PSMC4: variants seen among roughly 807,000 people sequenced by gnomAD.
PSMC4 encodes the protein 26S proteasome regulatory subunit 6B.
Under a neutral mutation model 48.4 loss-of-function variants are expected in PSMC4, and 13 were observed. The ratio of observed to expected loss-of-function variants is 0.27; its 90% CI spans 0.18 to 0.43. The LOEUF is 0.43. Among genes scored for constraint, PSMC4 ranks in the 20% least tolerant of loss-of-function variants. PSMC4 has a pLI of 1.00. For synonymous variants in PSMC4, 202 were observed against 212.3 expected (o/e 0.95, Z 0.42); for missense variants, 262 against 555.9 (o/e 0.47, Z 5.32).
At chr19:39,976,247 ATATATAT>A (rs1568375678) in intron 6 of PSMC4, among the ~76,000 whole-genome samples, 2 of 107,608 alleles carry the variant, frequency 1.9e-5, no homozygotes, top group Non-Finnish European at 3.7e-5. Context: ...CAAAAAAAAT[ATATATAT>A]ATATATATAT....
At chr19:39,972,983 C>T (rs1971129379) in intron 3 of PSMC4, among the ~76,000 whole-genome samples, 1 of 152,038 alleles carries the variant, frequency 6.6e-6, no homozygotes, top group Non-Finnish European at 1.5e-5. Flanking sequence ...TGACCTCAGG[C>T]GATCCACCCG....
chr19:39,981,290 T>C lies in PSMC4; in HGVS notation c.1242T>C (p.His414=), dbSNP rs1971283074. 6.2e-7 allele frequency: 1 copy of C among 1,613,770 alleles called. No individual in the cohort carries two copies. Among genetic ancestry groups the C allele is most frequent in the Non-Finnish European group, 8.5e-7 (1 of 1,179,694 alleles). ...KTVIKKDEQE[H]EFYK ...TCATCAAGAAGGACGAGCAGGAGCA[T>C]GAGTTTTACAAGTGACCCTTCCCTT... is the stretch of plus-strand genomic sequence containing the variant. The change falls in exon 11 of 11, where the codon CAT becomes CAC. Residue 414 remains histidine, a synonymous_variant. Transcript: ENST00000157812.
chr19:39,973,255 C>T (rs1971134337), intron 3 of PSMC4, among the ~76,000 whole-genome samples: 1 of 152,058 alleles, frequency 6.6e-6, no homozygotes, highest in Admixed American at 6.6e-5. Context: ...GGTTTGGGGC[C>T]TGCAGTTTGA....
At chr19:39,977,731 A>C (rs28661993) in intron 6 of PSMC4, among the ~76,000 whole-genome samples, 13,604 of 152,000 alleles carry the variant, frequency 0.089, 2,001 homozygotes, top group African/African-American at 0.31. Context: ...CTGAGGCAGG[A>C]GAATTGCTTG....
intron 6 of PSMC4, among the ~76,000 whole-genome samples, chr19:39,978,810 A>G (rs1307538576): frequency 1.3e-5 from 2 of 152,132 alleles, no homozygotes; most frequent in Non-Finnish European, 2.9e-5. Context: ...TGAGGCCAGG[A>G]GTTTGAGACC....
chr19:39,981,086 G>C, intron 10 of PSMC4, 106 bp from the exon 11 acceptor site: 1 of 832,338 alleles, frequency 1.2e-6, no homozygotes, highest in Non-Finnish European at 2.0e-6. Context: ...CGAACTCTTG[G>C]GCTCAAGTGA....
At position 39,972,539 on chromosome 19, in the gene PSMC4, C is replaced by T. The variant is rs1318367995; in HGVS notation, c.306C>T (p.Ile102=). 9 of 1,612,988 alleles carry T rather than the reference C, an allele frequency of 5.6e-6. No homozygotes were observed. The East Asian group carries it at 8.9e-5, about 16-fold the overall frequency. ...FLEAVDQNTA[I]VGSTTGSNYY... is the part of the protein sequence containing the mutation. The stretch of plus-strand genomic sequence containing the variant: ...AGGCTGTGGATCAGAATACAGCCAT[C>T]GTGGGCTCTACCACAGGTGTGCTAA... Residue 102 remains isoleucine (I), a synonymous_variant, in exon 3 of 11, where the codon ATC becomes ATT. Transcript: ENST00000157812.
At position 39,980,164 on chromosome 19, in the gene PSMC4, G is replaced by A; in HGVS notation, c.918+18G>A. ...ATGTCAAGGTTTGGGGTTTGGGATG[G>A]ACAAGGGGAGGTGTGGTGTAGGAAC... On this transcript the variant is annotated intron_variant, in intron 8 of 10. Coordinates refer to ENST00000157812, the MANE Select transcript of PSMC4 (RefSeq NM_006503.4). The surrounding 1 kb of genome is among the most constrained non-coding windows in gnomAD (Gnocchi z 4.8). The A allele has an allele frequency of 6.2e-7, 1 of 1,614,086 alleles. No homozygotes were observed. The highest frequency in any genetic ancestry group is 1.7e-5 in the Admixed American group (1 of 60,008).
Position 39,974,477 on chromosome 19 carries a change from G to T in PSMC4, c.469+37G>T. ...GCCTGCAGCTGGGAGGGCCCCATGGGGACCTTGAGGACCTGGCCAGGAGCC... is the reference window on the plus strand; with the variant it reads ...GCCTGCAGCTGGGAGGGCCCCATGGTGACCTTGAGGACCTGGCCAGGAGCC... On this transcript the variant is annotated intron_variant, in intron 4 of 10. Transcript: ENST00000157812. The surrounding 1 kb of genome is among the most constrained non-coding windows in gnomAD (Gnocchi z 5.5). The T allele has an allele frequency of 6.2e-7, 1 of 1,613,276 alleles. No individual in the cohort carries two copies. Among genetic ancestry groups the T allele is most frequent in the East Asian group, 2.2e-5 (1 of 44,848 alleles).
In PSMC4 at chr19:39,971,169, C is replaced by A; in HGVS notation, c.-34C>A. ...GTCGTCAGCGGAAGCGGTGACAGAT[C>A]ATCCCAGGCCACACAGAGGCCGGCT... On this transcript the variant is annotated 5_prime_UTR_variant, in exon 1 of 11. Coordinates refer to ENST00000157812, the MANE Select transcript of PSMC4 (RefSeq NM_006503.4). The A allele has an allele frequency of 6.2e-7, 1 of 1,613,120 alleles. No individual in the cohort carries two copies. Among genetic ancestry groups the A allele is most frequent in the Non-Finnish European group, 8.5e-7 (1 of 1,179,410 alleles).
At chr19:39,976,064 G>A (rs1295884897) in intron 6 of PSMC4, among the ~76,000 whole-genome samples, 2 of 151,744 alleles carry the variant, frequency 1.3e-5, no homozygotes, top group African/African-American at 2.4e-5. Context: ...GTGAAACCCC[G>A]TCTCTATTAA....
rs574976363 is a variant in PSMC4 at position 39,974,220 on chromosome 19, G to T, written c.323-74G>T. ...TGAACCAGAGATGTTGGGGTGTGGA[G>T]ATTAGGAGGGAGGAAGGGGGAAGGG... is the stretch of plus-strand genomic sequence containing the variant. On this transcript the variant is annotated intron_variant, in intron 3 of 10. Coordinates refer to ENST00000157812, the MANE Select transcript of PSMC4 (RefSeq NM_006503.4). The surrounding 1 kb of genome is among the most constrained non-coding windows in gnomAD (Gnocchi z 5.5). The T allele has an allele frequency of 7.4e-5, 116 of 1,567,882 alleles. No homozygotes were observed. The South Asian group carries it at 1.2e-3, about 17-fold the overall frequency.
At chr19:39,972,017 A>T in intron 1 of PSMC4, 129 bp from the exon 2 acceptor site, 1 of 830,048 alleles carries the variant, frequency 1.2e-6, no homozygotes. Context: ...GGGTCTTAAG[A>T]TATCAGGGGT....
rs746496477 is a variant in PSMC4, at chr19:39,974,269, C to G, written c.323-25C>G. 1.9e-6 allele frequency: 3 copies of G among 1,612,114 alleles called. No individual in the cohort carries two copies. Among genetic ancestry groups the G allele is most frequent in the Non-Finnish European group, 1.7e-6 (2 of 1,178,706 alleles). ...GGGCAGTTTCCAGGCTGACACTTCTCGTTTTCCTCTCTCCCTTCTCGCAGG... is the reference window on the plus strand; with the variant it reads ...GGGCAGTTTCCAGGCTGACACTTCTGGTTTTCCTCTCTCCCTTCTCGCAGG... On this transcript the variant is annotated intron_variant, in intron 3 of 10. Transcript: ENST00000157812. This position sits in a 1 kb window ranked among gnomAD's most constrained non-coding sequence, Gnocchi z 5.5.
intron 10 of PSMC4, 145 bp from the exon 11 acceptor site, chr19:39,981,046 AG>A (rs1205189515): frequency 7.8e-6 from 5 of 641,036 alleles, no homozygotes; most frequent in African/African-American, 3.6e-5. Context: ...TTGTAGAGAC[AG>A]GGTTTCACCA....
In PSMC4 at chr19:39,981,342, G is replaced by C; in HGVS notation, c.*37G>C. The stretch of plus-strand genomic sequence containing the variant: ...CCTCCACCACACCACTCAGGGGCTG[G>C]GGCTTCTCTCGCACCCCCAGCACCT... On this transcript the variant is annotated 3_prime_UTR_variant, in exon 11 of 11. Coordinates refer to ENST00000157812, the MANE Select transcript of PSMC4 (RefSeq NM_006503.4). 6.6e-7 allele frequency: 1 copy of C among 1,510,900 alleles called. No individual in the cohort carries two copies. Among genetic ancestry groups the C allele is most frequent in the Non-Finnish European group, 9.2e-7 (1 of 1,086,668 alleles). 93.6% of individuals were successfully genotyped at this position (1,510,900 alleles called of 1,614,324 possible). A position where few individuals can be genotyped will look rare whatever the true frequency, so the allele number is the denominator to read the frequency against.
intron 6 of PSMC4, among the ~76,000 whole-genome samples, chr19:39,976,619 C>T (rs1971203443): frequency 6.7e-6 from 1 of 150,054 alleles, no homozygotes. Context: ...CACCATTCTC[C>T]TGCCTCAGCC....
chr19:39,972,465 G>A lies in PSMC4; in HGVS notation c.232G>A (p.Glu78Lys). 6.2e-7 allele frequency: 1 copy of A among 1,614,186 alleles called. No individual in the cohort carries two copies. ...AAAGGAATTTCTCCATGCCCAGGAGGAGGTGAAGCGAATCCAAAGCATCCC... is the reference window on the plus strand; with the variant it reads ...AAAGGAATTTCTCCATGCCCAGGAGAAGGTGAAGCGAATCCAAAGCATCCC... ...LKKEFLHAQE[E>K]VKRIQSIPLV... is the part of the protein sequence containing the mutation. Residue 78 changes from glutamate to lysine, a missense_variant, in exon 3 of 11, where the codon GAG (glutamate) becomes AAG (lysine). By Grantham distance (56) the Glu-to-Lys change is moderately conservative. Around this residue, in one of 4 missense-constraint regions of PSMC4, gnomAD observed 131 missense variants for 276.7 expected, o/e 0.47. Coordinates refer to ENST00000157812, the MANE Select transcript of PSMC4 (RefSeq NM_006503.4).
rs758929522 is a variant in PSMC4, at chr19:39,972,252, C to T, written c.135+8C>T. On this transcript the variant is annotated splice_region_variant and intron_variant, in intron 2 of 10. Transcript: ENST00000157812. ...CTGTACAGCCGCTACAAGGTACATT[C>T]GACCCCCAACCCAGACCTTGCACAG... 1.8e-5 allele frequency: 29 copies of T among 1,612,962 alleles called. No homozygotes were observed. In the Middle Eastern group the frequency reaches 4.9e-4, roughly 28 times the overall value.
Sources: allele counts gnomAD v4.1 joint callset (sites outside exome capture counted in the v4.1 genomes callset), GRCh38; gene constraint gnomAD v4.1.1; regional missense constraint gnomAD v4.1.1; non-coding constraint Gnocchi (gnomAD v3.1); transcripts MANE v1.5; gene names NCBI Gene and HGNC (gene_info 2026-07-23, HGNC 2026-07-21).